The following CLSTN2 variants were observed in gnomAD, a reference collection of about 807,000 sequenced individuals.
The protein encoded by CLSTN2 is calsyntenin-2.
CLSTN2 carries 48 observed loss-of-function variants against 101.2 expected under a neutral mutation model. The ratio of observed to expected loss-of-function variants is 0.47; its 90% CI spans 0.38 to 0.60. The LOEUF is 0.60. CLSTN2 is among the 20% of genes least tolerant of loss of function. The probability of loss-of-function intolerance (pLI) is 0.00; values close to 1 mark genes in which losing one functional copy is unlikely to be tolerated. For missense variants in CLSTN2, 1,160 were observed against 1,238.2 expected (o/e 0.94, Z 0.95); for synonymous variants, 481 against 463.6 (o/e 1.04, Z -0.48).
intron 2 of CLSTN2, among the ~76,000 whole-genome samples, chr3:140,364,836 T>C (rs181884278): frequency 8.4e-4 from 128 of 152,364 alleles, no homozygotes; most frequent in Admixed American, 2.9e-3. Flanking sequence ...CCCACTGTTG[T>C]CCAGTCCTTA....
chr3:139,988,342 T>G (rs1364200934), intron 1 of CLSTN2, among the ~76,000 whole-genome samples: 1 of 130,006 alleles, frequency 7.7e-6, no homozygotes, highest in Non-Finnish European at 1.9e-5. Context: ...TAGGCAAACT[T>G]CACAGGTTAA....
At chr3:140,006,676 T>G (rs1027013009) in intron 1 of CLSTN2, among the ~76,000 whole-genome samples, 1 of 152,236 alleles carries the variant, frequency 6.6e-6, no homozygotes, top group African/African-American at 2.4e-5. Context: ...GTGTGATATT[T>G]GCTATGACAT....
chr3:140,491,303 G>C (rs1402766817), intron 8 of CLSTN2, among the ~76,000 whole-genome samples: 1 of 152,116 alleles, frequency 6.6e-6, no homozygotes, highest in Non-Finnish European at 1.5e-5. Context: ...TGGTGGTAAG[G>C]TAATCTAATC....
At chr3:139,997,113 T>C (rs2006684986) in intron 1 of CLSTN2, among the ~76,000 whole-genome samples, 2 of 151,812 alleles carry the variant, frequency 1.3e-5, no homozygotes, top group Admixed American at 6.6e-5. Context: ...TTCTATTGCA[T>C]TGTTTGCATT....
intron 1 of CLSTN2, among the ~76,000 whole-genome samples, chr3:139,990,658 C>A (rs1231933034): frequency 2.6e-5 from 4 of 152,184 alleles, no homozygotes; most frequent in African/African-American, 7.2e-5. Flanking sequence ...AAGGTAGAGA[C>A]CCCACCTGGG....
At chr3:140,049,274 T>C (rs1208988290) in intron 1 of CLSTN2, among the ~76,000 whole-genome samples, 1 of 149,756 alleles carries the variant, frequency 6.7e-6, no homozygotes, top group East Asian at 2.0e-4. Flanking sequence ...GCCAAGGAAA[T>C]CCTGAAATTT....
At chr3:139,964,703 A>G (rs1935564513) in intron 1 of CLSTN2, among the ~76,000 whole-genome samples, 1 of 151,394 alleles carries the variant, frequency 6.6e-6, no homozygotes, top group African/African-American at 2.4e-5. Flanking sequence ...ATAAGGACTG[A>G]CTCCTGTGTC....
At chr3:140,093,970 C>T (rs1045477887) in intron 1 of CLSTN2, among the ~76,000 whole-genome samples, 5 of 152,212 alleles carry the variant, frequency 3.3e-5, no homozygotes, top group African/African-American at 1.2e-4. Context: ...TGTTGGAACA[C>T]TGCCCGGGGG....
intron 1 of CLSTN2, among the ~76,000 whole-genome samples, chr3:140,148,129 A>G (rs2009809906): frequency 6.6e-6 from 1 of 152,194 alleles, no homozygotes; most frequent in African/African-American, 2.4e-5. Flanking sequence ...GCTCCCCACC[A>G]CCTGCTACAG....
At chr3:140,162,313 A>G (rs1020778198) in intron 1 of CLSTN2, among the ~76,000 whole-genome samples, 2 of 152,312 alleles carry the variant, frequency 1.3e-5, no homozygotes, top group Admixed American at 1.3e-4. Context: ...TTTCTCCACC[A>G]TCTGGTATAG....
At chr3:140,078,106 C>T (rs2008523344) in intron 1 of CLSTN2, among the ~76,000 whole-genome samples, 1 of 152,096 alleles carries the variant, frequency 6.6e-6, no homozygotes, top group African/African-American at 2.4e-5. Context: ...TTGGAGGCTC[C>T]CTCTAGCCCA....
At chr3:140,472,755 A>G (rs944209475) in intron 8 of CLSTN2, among the ~76,000 whole-genome samples, 1 of 152,154 alleles carries the variant, frequency 6.6e-6, no homozygotes, top group Non-Finnish European at 1.5e-5. Context: ...TTTCTATGAC[A>G]TCAAATTGCA....
chr3:140,390,930 C>T (rs2088107520), intron 2 of CLSTN2, among the ~76,000 whole-genome samples: 1 of 152,172 alleles, frequency 6.6e-6, no homozygotes. Context: ...CATAGTCCTT[C>T]AAAAATTAGT....
At chr3:140,038,804 C>T (rs1485491941) in intron 1 of CLSTN2, among the ~76,000 whole-genome samples, 2 of 151,980 alleles carry the variant, frequency 1.3e-5, no homozygotes, top group African/African-American at 2.4e-5. Flanking sequence ...TTCATTGTTC[C>T]TAGTCTTCTC....
At chr3:140,274,110 A>G (rs1462348540) in intron 2 of CLSTN2, among the ~76,000 whole-genome samples, 1 of 152,152 alleles carries the variant, frequency 6.6e-6, no homozygotes, top group Non-Finnish European at 1.5e-5. Flanking sequence ...GAGACTTGGC[A>G]TGGTAACATT....
chr3:140,309,204 G>A (rs2087141451), intron 2 of CLSTN2, among the ~76,000 whole-genome samples: 1 of 152,132 alleles, frequency 6.6e-6, no homozygotes, highest in African/African-American at 2.4e-5. Flanking sequence ...ATAGGGTCCT[G>A]GGAACATGTC....
In CLSTN2 at chr3:140,574,029, T is replaced by A. The variant is rs1985655826; in HGVS notation, c.*7776T>A. On this transcript the variant is annotated 3_prime_UTR_variant, in exon 17 of 17. Coordinates refer to ENST00000458420, the MANE Select transcript of CLSTN2 (RefSeq NM_022131.3). ...TGCTGATATGGCCACCTCCTTAAGG[T>A]AAGAAGACTACCGACTTAGCTATTG... 6.6e-6 allele frequency: 1 copy of A among 152,120 alleles called. No homozygotes were observed. The highest frequency in any genetic ancestry group is 1.5e-5 in the Non-Finnish European group (1 of 68,022). 9.4% of individuals were successfully genotyped at this position (152,120 alleles called of 1,614,324 possible).
intron 1 of CLSTN2, among the ~76,000 whole-genome samples, chr3:139,941,539 A>G (rs942891156): frequency 1.1e-4 from 17 of 152,248 alleles, no homozygotes; most frequent in African/African-American, 3.1e-4. Flanking sequence ...CTATTGCAGA[A>G]CTTGGTGACT....
At chr3:140,032,829 A>G (rs76441729) in intron 1 of CLSTN2, among the ~76,000 whole-genome samples, 9,737 of 152,318 alleles carry the variant, frequency 0.064, 430 homozygotes, top group Non-Finnish European at 0.099. Flanking sequence ...CTCCAATTAC[A>G]AAATGGCAAT....
Sources: gnomAD v4.1 joint callset for allele counts (sites outside exome capture counted in the v4.1 genomes callset) on GRCh38, gnomAD v4.1.1 for gene constraint, MANE v1.5 for transcripts, NCBI Gene and HGNC (gene_info 2026-07-23, HGNC 2026-07-21) for gene names.